Variants in C2CD3 observed in about 807,000 individuals in gnomAD.
C2CD3 encodes the protein C2 domain containing 3 centriole elongation regulator.
Under a neutral mutation model 234.0 loss-of-function variants are expected in C2CD3, and 148 were observed. The ratio of observed to expected loss-of-function variants is 0.63; its 90% CI spans 0.55 to 0.72. The LOEUF is 0.72. Among genes scored for constraint, C2CD3 ranks in the 30% least tolerant of loss-of-function variants. The probability of loss-of-function intolerance (pLI) is 0.00; values close to 1 mark genes in which losing one functional copy is unlikely to be tolerated. For synonymous variants in C2CD3, 1,000 were observed against 1,035.4 expected (o/e 0.97, Z 0.66); for missense variants, 2,577 against 2,811.5 (o/e 0.92, Z 1.89).
intron 28 of C2CD3, among the ~76,000 whole-genome samples, chr11:74,044,784 A>G (rs1321536694): frequency 1.3e-5 from 2 of 151,960 alleles, no homozygotes; most frequent in Admixed American, 6.6e-5. Context: ...CTTAGCTGCC[A>G]CTTATAAGAG....
chr11:74,098,195 G>A lies in C2CD3; in HGVS notation c.2793C>T (p.Ser931=), dbSNP rs1242136220. 1 of 1,614,042 alleles carries A rather than the reference G, an allele frequency of 6.2e-7. No individual in the cohort carries two copies. The change falls in exon 16 of 33, where the codon AGC becomes AGT. Residue 931 remains serine (S), a synonymous_variant. Coordinates refer to ENST00000334126, the MANE Select transcript of C2CD3 (RefSeq NM_001286577.2). ...DAQYPVVAVD[S]YMPVIDVFSG... ...AAAACACATCAATCACAGGCATGTAGCTGTCGACAGCAACAACTGGGTACT... is the reference window on the plus strand; with the variant it reads ...AAAACACATCAATCACAGGCATGTAACTGTCGACAGCAACAACTGGGTACT...
chr11:74,078,122 A>T lies in C2CD3; in HGVS notation c.4596T>A (p.Thr1532=). 6.2e-7 allele frequency: 1 copy of T among 1,612,844 alleles called. No homozygotes were observed. Among genetic ancestry groups the T allele is most frequent in the Non-Finnish European group, 8.5e-7 (1 of 1,179,332 alleles). The change falls in exon 23 of 33, where the codon ACT becomes ACA. Residue 1532 remains threonine, a synonymous_variant. Coordinates refer to ENST00000334126, the MANE Select transcript of C2CD3 (RefSeq NM_001286577.2). ...RLGERSARTL[T]VSGVYPLFGR... ...ATCAGGCTCCTCACTTACCACTGAC[A>T]GTTAGCGTCCTCGCTGACCTCTCCC... is the stretch of plus-strand genomic sequence containing the variant.
Position 74,074,744 on chromosome 11 carries a change from A to T in C2CD3, c.4604-144T>A, listed in dbSNP as rs187035986. 1.2e-4 allele frequency: 77 copies of T among 648,432 alleles called. 1 individual carries two copies. The Middle Eastern group carries it at 6.0e-3, about 51-fold the overall frequency. The allele number at this position is 648,432 out of a possible 1,614,324, so 40.2% of individuals were successfully genotyped here. Reference sequence around the variant, plus strand: ...ACAGCAATTTGCAAAAGAAACTATGAAGCTGGTAGAAAACATGAAAACTTT... The same window carrying T: ...ACAGCAATTTGCAAAAGAAACTATGTAGCTGGTAGAAAACATGAAAACTTT... On this transcript the variant is annotated intron_variant, in intron 23 of 32. Transcript: ENST00000334126.
chr11:74,085,905 G>A lies in C2CD3; in HGVS notation c.3642-19C>T. 6.3e-7 allele frequency: 1 copy of A among 1,590,602 alleles called. No individual in the cohort carries two copies. Among genetic ancestry groups the A allele is most frequent in the Non-Finnish European group, 8.6e-7 (1 of 1,165,630 alleles). ...CAAAGCCCTGTAGAGGAGAAGGGTG[G>A]AAATGAGAAGATACCATGGTAACAT... On this transcript the variant is annotated intron_variant, in intron 20 of 32. Transcript: ENST00000334126.
intron 20 of C2CD3, among the ~76,000 whole-genome samples, chr11:74,088,891 A>T (rs1351399369): frequency 6.6e-6 from 1 of 152,186 alleles, no homozygotes; most frequent in African/African-American, 2.4e-5. Context: ...CAAGCTAAGG[A>T]AGTTGGACCT....
intron 32 of C2CD3, among the ~76,000 whole-genome samples, chr11:74,022,156 T>C (rs757762583): frequency 6.6e-6 from 1 of 151,604 alleles, no homozygotes. Flanking sequence ...GGGGAGATGA[T>C]TGGGCTAGAC....
At chr11:74,152,854 G>A (rs1363375157) in intron 3 of C2CD3, among the ~76,000 whole-genome samples, 1 of 152,118 alleles carries the variant, frequency 6.6e-6, no homozygotes, top group Non-Finnish European at 1.5e-5. Flanking sequence ...CAGAAAATTT[G>A]GGAAAAGTGT....
At chr11:74,168,080 A>C in intron 2 of C2CD3, 1 of 294,220 alleles carries the variant, frequency 3.4e-6, no homozygotes. Flanking sequence ...TCATCTCTCC[A>C]ACTTGTTTAA....
chr11:74,018,046 C>T (rs1318155540), intron 32 of C2CD3, among the ~76,000 whole-genome samples: 3 of 152,238 alleles, frequency 2.0e-5, no homozygotes, highest in Non-Finnish European at 4.4e-5. Context: ...CTCACTCACT[C>T]AAGACCAAGA....
Position 74,085,686 on chromosome 11 carries a change from C to G in C2CD3, c.3842G>C (p.Cys1281Ser). 3.1e-6 allele frequency: 5 copies of G among 1,614,096 alleles called. No homozygotes were observed. The highest frequency in any genetic ancestry group is 4.2e-6 in the Non-Finnish European group (5 of 1,180,012). Reference sequence around the variant, plus strand: ...AAACTCCAACAACTCTGCTAGGAAACAGGCCTCTCCACTACAGTGCTGAGT... The same window carrying G: ...AAACTCCAACAACTCTGCTAGGAAAGAGGCCTCTCCACTACAGTGCTGAGT... ...LVTQHCSGEA[C>S]FLAELLEFAE... The change falls in exon 21 of 33, where the codon TGT becomes TCT. Residue 1281 changes from cysteine (C) to serine (S), a missense_variant. By Grantham distance (112) the Cys-to-Ser change is moderately radical. Transcript: ENST00000334126.
At chr11:74,170,617 C>T in intron 1 of C2CD3, 121 bp downstream of exon 1, 1 of 1,177,240 alleles carries the variant, frequency 8.5e-7, no homozygotes, top group Non-Finnish European at 1.2e-6. Flanking sequence ...TTCTGGTTCC[C>T]TGGCTACTTC....
rs116746964 is a variant in C2CD3 at position 74,053,690 on chromosome 11, G to T, written c.5155+917C>A. Among the ~76,000 whole-genome samples the T allele has an allele frequency of 1.4e-3, 212 of 152,324 alleles. 3 individuals are homozygous for T. The highest frequency in any genetic ancestry group is 4.3e-3 in the African/African-American group (179 of 41,570). On this transcript the variant is annotated intron_variant, in intron 26 of 32. Transcript: ENST00000334126. ...AGGCTTAATATCATCATACAAACGT[G>T]GGGGGAAGCCACTTGTATGTGGCAG...
intron 30 of C2CD3, chr11:74,036,485 C>A: frequency 2.2e-6 from 1 of 456,054 alleles, no homozygotes; most frequent in Middle Eastern, 3.3e-4. Context: ...GGTTAGGTAT[C>A]TGGAAGAAGA....
rs897562038 is a variant in C2CD3 at position 74,071,581 on chromosome 11, T to A, written c.4951+2672A>T. Among the ~76,000 whole-genome samples, 12 of 152,324 alleles carry A rather than the reference T, an allele frequency of 7.9e-5. No individual in the cohort carries two copies. The South Asian group carries it at 2.5e-3, about 32-fold the overall frequency. ...TTTGTGAAATGATTATGTATTGTAA[T>A]CTCTTCAAACTATAATCCTGCTCGT... On this transcript the variant is annotated intron_variant, in intron 24 of 32. Transcript: ENST00000334126.
Position 74,027,999 on chromosome 11 carries a change from T to C in C2CD3, c.6921+288A>G, listed in dbSNP as rs76666568. 3.4e-3 allele frequency among the ~76,000 whole-genome samples: 517 copies of C among 152,300 alleles called. 5 individuals are homozygous for C. Among genetic ancestry groups the C allele is most frequent in the African/African-American group, 0.012 (492 of 41,572 alleles). ...TGGTGGGGACTCCCACAGCACTCAA[T>C]ACACATTTCTTAGCTGCCTCTTGCT... On this transcript the variant is annotated intron_variant, in intron 32 of 32. Transcript: ENST00000334126.
At chr11:74,027,508 T>C (rs1330998132) in intron 32 of C2CD3, among the ~76,000 whole-genome samples, 1 of 152,216 alleles carries the variant, frequency 6.6e-6, no homozygotes, top group Admixed American at 6.5e-5. Context: ...GCCTGGTACA[T>C]GCTAAGCACC....
intron 9 of C2CD3, among the ~76,000 whole-genome samples, chr11:74,117,156 G>A (rs1163972432): frequency 4.9e-4 from 14 of 28,630 alleles, no homozygotes; most frequent in African/African-American, 7.1e-4. Flanking sequence ...ATATATATAT[G>A]AATATATATA....
chr11:74,134,047 G>A (rs1033626827), intron 5 of C2CD3, among the ~76,000 whole-genome samples: 9 of 151,976 alleles, frequency 5.9e-5, no homozygotes, highest in Non-Finnish European at 1.2e-4. Flanking sequence ...CCCTTAAGGG[G>A]TCCCACAACA....
chr11:74,038,535 A>G (rs1952855264), intron 29 of C2CD3, among the ~76,000 whole-genome samples: 1 of 152,226 alleles, frequency 6.6e-6, no homozygotes, highest in South Asian at 2.1e-4. Context: ...GTAGCTACTC[A>G]GAATCTGGGA....
Sources: allele counts gnomAD v4.1 joint callset (sites outside exome capture counted in the v4.1 genomes callset), GRCh38; gene constraint gnomAD v4.1.1; transcripts MANE v1.5; gene names NCBI Gene and HGNC (gene_info 2026-07-23, HGNC 2026-07-21).